EML5: variants seen among roughly 807,000 people sequenced by gnomAD.
EML5 encodes the protein echinoderm microtubule-associated protein-like 5.
Under a neutral mutation model 250.0 loss-of-function variants are expected in EML5, and 120 were observed. That is an observed-to-expected ratio of 0.48 (90% CI 0.41 to 0.56). The LOEUF (loss-of-function observed/expected upper bound fraction) is 0.56. Among genes scored for constraint, EML5 ranks in the 20% least tolerant of loss-of-function variants. The pLI, the probability that EML5 is intolerant of heterozygous loss-of-function variation, is 0.00. For missense variants in EML5, 2,006 were observed against 2,437.6 expected, an observed-to-expected ratio of 0.82 and a Z score of 3.73; for synonymous variants, 771 against 806.5, an observed-to-expected ratio of 0.96 and a Z score of 0.75.
At chr14:88,634,356 C>T (rs1258208640) in intron 33 of EML5, 113 bp downstream of exon 33, 3 of 669,084 alleles carry the variant, frequency 4.5e-6, no homozygotes, top group Non-Finnish European at 7.3e-6. Context: ...TGTAAATTAC[C>T]CAGTTCTTTA....
chr14:88,635,039 A>G (rs1167872230), intron 32 of EML5, among the ~76,000 whole-genome samples: 2 of 152,232 alleles, frequency 1.3e-5, no homozygotes, highest in Non-Finnish European at 2.9e-5. Flanking sequence ...TCAACTAAAG[A>G]TTTTCCATAT....
chr14:88,749,766 T>C (rs190369299), intron 2 of EML5, among the ~76,000 whole-genome samples: 120 of 152,276 alleles, frequency 7.9e-4, no homozygotes, highest in Non-Finnish European at 3.1e-4. Context: ...GTATGTTCTC[T>C]GACAAAAACA....
At chr14:88,728,113 G>A (rs1371646796) in intron 7 of EML5, among the ~76,000 whole-genome samples, 1 of 152,048 alleles carries the variant, frequency 6.6e-6, no homozygotes, top group African/African-American at 2.4e-5. Flanking sequence ...CTGTATCCAT[G>A]GGTTCTGCAG....
In EML5 at chr14:88,658,315, T is replaced by A. The variant is rs777887130; in HGVS notation, c.3749A>T (p.Asp1250Val). 8.7e-6 allele frequency: 14 copies of A among 1,613,868 alleles called. No individual in the cohort carries two copies. The highest frequency in any genetic ancestry group is 1.1e-5 in the South Asian group (1 of 91,076). Reference sequence around the variant, plus strand: ...ACCGCCTAGGGTAACCAACATGCTGTCATCATAAGTCCAGCGAACATTTGT... The same window carrying A: ...ACCGCCTAGGGTAACCAACATGCTGACATCATAAGTCCAGCGAACATTTGT... ...HVTNVRWTYD[D>V]SMLVTLGGTD... The change falls in exon 26 of 44, where the codon GAC becomes GTC. Residue 1250 changes from aspartate to valine, a missense_variant. Asp to Val is a radical substitution (Grantham distance 152). This residue lies in a region of EML5 where 1,375 missense variants were observed against 1,590.3 expected (regional missense o/e 0.86). Transcript: ENST00000554922.
chr14:88,753,473 A>G (rs201634745), intron 2 of EML5, among the ~76,000 whole-genome samples: 1 of 152,250 alleles, frequency 6.6e-6, no homozygotes, highest in Non-Finnish European at 1.5e-5. Flanking sequence ...AACTAATTTT[A>G]TGAATTAAAA....
Position 88,688,413 on chromosome 14 carries a change from A to G in EML5, c.2600T>C (p.Met867Thr), listed in dbSNP as rs753673517. ...IGTLGKNDTM[M>T]CAVYGWTEEM... ...TTCAGTCCATCCATACACTGCACAC[A>G]TCATTGTGTCATTTTTCCCCAGTGT... The change falls in exon 18 of 44, where the codon ATG becomes ACG. Residue 867 changes from methionine to threonine, a missense_variant. Physicochemically the swap from Met to Thr is moderately conservative, Grantham distance 81. Coordinates refer to ENST00000554922, the MANE Select transcript of EML5 (RefSeq NM_183387.3). 10 of 1,613,994 alleles carry G rather than the reference A, an allele frequency of 6.2e-6. No homozygotes were observed. Among genetic ancestry groups the G allele is most frequent in the Non-Finnish European group, 8.5e-6 (10 of 1,179,892 alleles).
intron 1 of EML5, among the ~76,000 whole-genome samples, chr14:88,769,001 T>C (rs1410375713): frequency 2.0e-5 from 3 of 152,162 alleles, no homozygotes; most frequent in African/African-American, 7.2e-5. Context: ...TTGGGAGCAA[T>C]ATCATCTCCG....
Position 88,792,644 on chromosome 14 carries a change from C to G in EML5, c.-141G>C. ...TCTAAGCCGCGCCCGTCAGGTGCAT[C>G]TCGTTTCGGGGGCCGCCGCCGCCTC... On this transcript the variant is annotated 5_prime_UTR_variant, in exon 1 of 44. Coordinates refer to ENST00000554922, the MANE Select transcript of EML5 (RefSeq NM_183387.3). This position sits in a 1 kb window ranked among gnomAD's most constrained non-coding sequence, Gnocchi z 6.9. 8.6e-7 allele frequency: 1 copy of G among 1,157,854 alleles called. No individual in the cohort carries two copies. The highest frequency in any genetic ancestry group is 1.6e-5 in the African/African-American group (1 of 61,890). 71.7% of individuals were successfully genotyped at this position (1,157,854 alleles called of 1,614,324 possible).
At chr14:88,718,670 G>A (rs1327975430) in intron 8 of EML5, among the ~76,000 whole-genome samples, 1 of 152,148 alleles carries the variant, frequency 6.6e-6, no homozygotes, top group Admixed American at 6.6e-5. Context: ...TGAGGATAGA[G>A]GTTGATAATT....
At chr14:88,750,083 G>A (rs1230776235) in intron 2 of EML5, among the ~76,000 whole-genome samples, 2 of 152,142 alleles carry the variant, frequency 1.3e-5, no homozygotes, top group Non-Finnish European at 2.9e-5. Flanking sequence ...AGTAGTTATA[G>A]CAAAGACCAA....
At chr14:88,671,137 A>C (rs998683178) in intron 21 of EML5, among the ~76,000 whole-genome samples, 9 of 152,186 alleles carry the variant, frequency 5.9e-5, no homozygotes, top group Non-Finnish European at 4.4e-5. Context: ...ATGAAGGAAA[A>C]AAATGTTAAG....
intron 34 of EML5, 28 bp downstream of exon 34, chr14:88,627,618 A>C (rs1478158710): frequency 5.1e-6 from 8 of 1,566,522 alleles, no homozygotes; most frequent in Non-Finnish European, 6.0e-6. Flanking sequence ...TTGTTTTTTT[A>C]AAAATCAAAC....
intron 31 of EML5, among the ~76,000 whole-genome samples, chr14:88,640,190 T>C (rs1340319904): frequency 6.6e-6 from 1 of 152,192 alleles, no homozygotes; most frequent in Non-Finnish European, 1.5e-5. Context: ...GGACTTGAAT[T>C]CAATACTTGA....
chr14:88,641,907 T>C (rs898863998), intron 31 of EML5, among the ~76,000 whole-genome samples: 8 of 152,228 alleles, frequency 5.3e-5, no homozygotes, highest in Non-Finnish European at 1.2e-4. Flanking sequence ...TTGTTTATCT[T>C]ACTCTTCCTC....
At chr14:88,667,252 T>A (rs1341438542) in intron 21 of EML5, among the ~76,000 whole-genome samples, 2 of 152,232 alleles carry the variant, frequency 1.3e-5, no homozygotes, top group Non-Finnish European at 2.9e-5. Flanking sequence ...TATATCTTTA[T>A]TTGTGTATAT....
At chr14:88,702,028 A>C (rs371583252) in intron 14 of EML5, among the ~76,000 whole-genome samples, 83 of 152,302 alleles carry the variant, frequency 5.4e-4, no homozygotes, top group African/African-American at 1.9e-3. Context: ...GGTAAACCTG[A>C]ATAGATTACT....
rs2092278112 is a variant in EML5, at chr14:88,665,441, C to T, written c.3173G>A (p.Gly1058Asp). ...FSPDGKALAV[G>D]LNDGSFLMAN... Reference sequence around the variant, plus strand: ...CATTAAGAAGCTTCCATCGTTGAGACCTACGGCTAAAGCTTTACCATCAGG... The same window carrying T: ...CATTAAGAAGCTTCCATCGTTGAGATCTACGGCTAAAGCTTTACCATCAGG... Residue 1058 changes from glycine (G) to aspartate (D), a missense_variant, in exon 22 of 44, where the codon GGT becomes GAT. Physicochemically the swap from Gly to Asp is moderately conservative, Grantham distance 94. Around this residue, in one of 7 missense-constraint regions of EML5, gnomAD observed 1,375 missense variants for 1,590.3 expected, o/e 0.86. Coordinates refer to ENST00000554922, the MANE Select transcript of EML5 (RefSeq NM_183387.3). 2 of 1,613,864 alleles carry T rather than the reference C, an allele frequency of 1.2e-6. No individual in the cohort carries two copies. Among genetic ancestry groups the T allele is most frequent in the Admixed American group, 3.3e-5 (2 of 59,990 alleles).
intron 1 of EML5, among the ~76,000 whole-genome samples, chr14:88,778,006 G>T (rs2094463223): frequency 6.6e-6 from 1 of 152,182 alleles, no homozygotes; most frequent in Non-Finnish European, 1.5e-5. Flanking sequence ...AAAATGAGGG[G>T]ACCAAGTTAG....
intron 10 of EML5, among the ~76,000 whole-genome samples, chr14:88,708,598 G>A (rs1056900436): frequency 2.0e-5 from 3 of 152,214 alleles, no homozygotes; most frequent in South Asian, 2.1e-4. Flanking sequence ...AGGAAACTGA[G>A]AGGGCATGAA....
Sources: allele counts gnomAD v4.1 joint callset (sites outside exome capture counted in the v4.1 genomes callset), GRCh38; gene constraint gnomAD v4.1.1; regional missense constraint gnomAD v4.1.1; non-coding constraint Gnocchi (gnomAD v3.1); transcripts MANE v1.5; gene names NCBI Gene and HGNC (gene_info 2026-07-23, HGNC 2026-07-21).